Variants in ZFHX3 observed in about 807,000 individuals in gnomAD.
The protein encoded by ZFHX3 is zinc finger homeobox 3.
In ZFHX3, 42 loss-of-function variants were observed where a neutral mutation model predicts 279.1. That is an observed-to-expected ratio of 0.15 (90% confidence interval 0.12 to 0.19). The LOEUF (loss-of-function observed/expected upper bound fraction) is 0.19, where lower values mean the gene tolerates loss of function less well. Ranked by LOEUF, ZFHX3 falls within the 10% of genes least tolerant of loss-of-function variation. ZFHX3 has a pLI of 1.00. For synonymous variants in ZFHX3, 2,293 were observed against 1,957.8 expected (o/e 1.17, Z -4.52); for missense variants, 4,981 against 4,754.0 (o/e 1.05, Z -1.40).
chr16:72,907,545 T>TGTGTGTG lies in ZFHX3; in HGVS notation c.3217-17584_3217-17583insCACACAC, dbSNP rs2039208549. On this transcript the variant is annotated intron_variant, in intron 3 of 9. Transcript: ENST00000268489. The stretch of plus-strand genomic sequence containing the variant: ...CTCGGTTTCCAAAGGTTTCCTCTAT[T>TGTGTGTG]TGTGTGTGTGTGTGTGTGTGTGTGT... Among the ~76,000 whole-genome samples, 16 of 120,480 alleles carry TGTGTGTG rather than the reference T, an allele frequency of 1.3e-4. 1 individual carries two copies. The highest frequency in any genetic ancestry group is 6.5e-4 in the South Asian group (2 of 3,060). 79.0% of individuals were successfully genotyped at this position (120,480 alleles called of 152,430 possible). A position where few individuals can be genotyped will look rare whatever the true frequency, so the allele number is the denominator to read the frequency against.
In ZFHX3 at chr16:73,427,840, G is replaced by T. The variant is rs552628207; in HGVS notation, c.-1291+28163C>A. 5.3e-5 allele frequency among the ~76,000 whole-genome samples: 8 copies of T among 152,192 alleles called. No homozygotes were observed. In the South Asian group the frequency reaches 1.7e-3, roughly 32 times the overall value. On this transcript the variant is annotated intron_variant, in intron 3 of 17. Coordinates refer to the ZFHX3 transcript ENST00000641206. ...CGCCTGGAGTCCCAGCTACTCGGGA[G>T]GCTGAGGCAGGAGAATCACTGGAAC...
chr16:73,157,405 C>T (rs935022827), intron 5 of ZFHX3, among the ~76,000 whole-genome samples: 1 of 132,262 alleles, frequency 7.6e-6, no homozygotes, highest in South Asian at 2.4e-4. Flanking sequence ...CACAGGTTAA[C>T]TTCATTCTTG....
chr16:73,620,934 T>C (rs1024247757), intron 2 of ZFHX3, among the ~76,000 whole-genome samples: 9 of 152,216 alleles, frequency 5.9e-5, no homozygotes, highest in Non-Finnish European at 1.3e-4. Context: ...TTGGTGGGAA[T>C]CCCAGCCAGA....
intron 1 of ZFHX3, among the ~76,000 whole-genome samples, chr16:73,751,888 A>G (rs117317464): frequency 0.013 from 2,024 of 152,332 alleles, 26 homozygotes; most frequent in Non-Finnish European, 0.023. Context: ...GATCTGAGGC[A>G]GGAACTTATC....
intron 2 of ZFHX3, among the ~76,000 whole-genome samples, chr16:73,598,727 C>T (rs1393293916): frequency 3.3e-5 from 5 of 151,640 alleles, no homozygotes; most frequent in Admixed American, 6.6e-5. Context: ...GCCTAGAACA[C>T]GATTCTTGAT....
At chr16:72,970,977 A>G (rs945410431) in intron 1 of ZFHX3, among the ~76,000 whole-genome samples, 3 of 152,232 alleles carry the variant, frequency 2.0e-5, no homozygotes, top group Non-Finnish European at 4.4e-5. Context: ...CTCAGCAGCT[A>G]AAGTTAAAAT....
intron 3 of ZFHX3, among the ~76,000 whole-genome samples, chr16:73,322,007 A>G (rs2015584176): frequency 6.6e-6 from 1 of 152,234 alleles, no homozygotes; most frequent in Admixed American, 6.5e-5. Flanking sequence ...AGACGCTGAG[A>G]ATAAAACTCG....
intron 1 of ZFHX3, among the ~76,000 whole-genome samples, chr16:73,028,867 G>A (rs974103086): frequency 6.6e-5 from 10 of 152,298 alleles, no homozygotes; most frequent in African/African-American, 1.2e-4. Flanking sequence ...AAACCTTTTC[G>A]GCAACAACAA....
chr16:73,026,876 A>G (rs563043557), intron 1 of ZFHX3, among the ~76,000 whole-genome samples: 1 of 152,280 alleles, frequency 6.6e-6, no homozygotes, highest in African/African-American at 2.4e-5. Context: ...GACTTACCCA[A>G]GGTCACACAG....
intron 1 of ZFHX3, among the ~76,000 whole-genome samples, chr16:73,780,258 G>T (rs1412170845): frequency 6.8e-6 from 1 of 147,252 alleles, no homozygotes; most frequent in Non-Finnish European, 1.5e-5. Context: ...AGTGATTCTT[G>T]TGCCTCAGCC....
At chr16:73,586,788 T>C (rs2051931622) in intron 2 of ZFHX3, among the ~76,000 whole-genome samples, 1 of 152,150 alleles carries the variant, frequency 6.6e-6, no homozygotes, top group Non-Finnish European at 1.5e-5. Context: ...AATGGACATA[T>C]TGTTTTACCA....
chr16:73,860,333 C>G (rs887354526), intron 1 of ZFHX3, among the ~76,000 whole-genome samples: 2 of 151,996 alleles, frequency 1.3e-5, no homozygotes, highest in African/African-American at 4.8e-5. Context: ...TAATTTCTTG[C>G]AACTTTTCAA....
rs764626362 is a variant in ZFHX3, at chr16:72,788,686, T to TG, written c.9589dup (p.Gln3197ProfsTer42). 6 of 1,609,842 alleles carry TG rather than the reference T, an allele frequency of 3.7e-6. No homozygotes were observed. The highest frequency in any genetic ancestry group is 1.1e-5 in the South Asian group (1 of 90,334). ...TGGTTGCTGCTGCTGCTGCTGCTGCTGGGGGGGTTGCTGAGGGCCCATCGC... is the reference window on the plus strand; with the variant it reads ...TGGTTGCTGCTGCTGCTGCTGCTGCTGGGGGGGGTTGCTGAGGGCCCATCGC... On this transcript the variant is annotated frameshift_variant, in exon 10 of 10. Coordinates refer to ENST00000268489, the MANE Select transcript of ZFHX3 (RefSeq NM_006885.4). LOFTEE classifies it high-confidence loss of function.
chr16:73,523,402 G>C (rs1456780136), intron 2 of ZFHX3, among the ~76,000 whole-genome samples: 1 of 152,170 alleles, frequency 6.6e-6, no homozygotes, highest in African/African-American at 2.4e-5. Flanking sequence ...GACAGCATGT[G>C]ATGTGCCTGC....
chr16:73,816,721 G>T (rs1252494402), intron 1 of ZFHX3, among the ~76,000 whole-genome samples: 4 of 152,148 alleles, frequency 2.6e-5, no homozygotes. Flanking sequence ...AGAAAGGATT[G>T]GGCAATCGAA....
At chr16:73,520,934 T>C (rs1222759693) in intron 2 of ZFHX3, among the ~76,000 whole-genome samples, 3 of 152,190 alleles carry the variant, frequency 2.0e-5, no homozygotes, top group Non-Finnish European at 1.5e-5. Context: ...AGTGAAGATA[T>C]AAACTCTCAA....
chr16:72,863,804 T>A (rs1324236849), intron 4 of ZFHX3, among the ~76,000 whole-genome samples: 1 of 152,112 alleles, frequency 6.6e-6, no homozygotes, highest in African/African-American at 2.4e-5. Context: ...CTTGTGGATA[T>A]GTTTGAAATT....
intron 1 of ZFHX3, among the ~76,000 whole-genome samples, chr16:72,974,307 G>A (rs887593893): frequency 1.3e-5 from 2 of 152,198 alleles, no homozygotes; most frequent in African/African-American, 2.4e-5. Flanking sequence ...GTACGTCCTC[G>A]CAATGATTCC....
chr16:72,788,248 G>A lies in ZFHX3; in HGVS notation c.10028C>T (p.Pro3343Leu). 1 of 1,614,194 alleles carries A rather than the reference G, an allele frequency of 6.2e-7. No individual in the cohort carries two copies. Among genetic ancestry groups the A allele is most frequent in the Non-Finnish European group, 8.5e-7 (1 of 1,180,032 alleles). ...QPMYGMEGLF[P>L]YSPALSQALM... ...GGCCTGCGACAGTGCAGGGCTGTAG[G>A]GGAACAGGCCTTCCATGCCATACAT... The change falls in exon 10 of 10, where the codon CCC (proline) becomes CTC (leucine). Residue 3343 changes from proline to leucine, a missense_variant. By Grantham distance (98) the Pro-to-Leu change is moderately conservative. Around this residue, in one of 7 missense-constraint regions of ZFHX3, gnomAD observed 1,034 missense variants for 786.0 expected, o/e 1.32. Coordinates refer to ENST00000268489, the MANE Select transcript of ZFHX3 (RefSeq NM_006885.4).
Sources: allele counts gnomAD v4.1 joint callset (sites outside exome capture counted in the v4.1 genomes callset), GRCh38; gene constraint gnomAD v4.1.1; regional missense constraint gnomAD v4.1.1; transcripts MANE v1.5; gene names NCBI Gene and HGNC (gene_info 2026-07-23, HGNC 2026-07-21).